The following DDX41 variants were observed in gnomAD, a reference collection of about 807,000 sequenced individuals.
DDX41 encodes the protein DEAD-box helicase 41.
DDX41 carries 50 observed loss-of-function variants against 78.8 expected under a neutral mutation model. The observed-to-expected ratio is 0.63, with a 90% CI of 0.51 to 0.80. The LOEUF (loss-of-function observed/expected upper bound fraction) is 0.80. Ranked by LOEUF, DDX41 falls within the 30% of genes least tolerant of loss-of-function variation. DDX41 has a pLI of 0.00. For missense variants in DDX41, 633 were observed against 849.2 expected (o/e 0.75, Z 3.16); for synonymous variants, 381 against 321.5 (o/e 1.19, Z -1.98).
chr5:177,515,800 A>G lies in DDX41; in HGVS notation c.456T>C (p.Val152=), dbSNP rs955969841. 1.9e-6 allele frequency: 3 copies of G among 1,614,138 alleles called. No homozygotes were observed. The highest frequency in any genetic ancestry group is 2.5e-6 in the Non-Finnish European group (3 of 1,180,032). ...CATGTCGCTCTTCAGACATGCTCAG[A>G]ACATAACGGGGTGGAGTCCAGCTGT... ...IKTSWTPPRY[V]LSMSEERHER... is the part of the protein sequence containing the mutation. The change falls in exon 6 of 17, where the codon GTT becomes GTC. Residue 152 remains valine, a synonymous_variant. Transcript: ENST00000330503.
chr5:177,514,679 G>A lies in DDX41; in HGVS notation c.935+22C>T. The A allele has an allele frequency of 6.2e-7, 1 of 1,600,526 alleles. No homozygotes were observed. The highest frequency in any genetic ancestry group is 8.5e-7 in the Non-Finnish European group (1 of 1,172,164). ...AGACTCGCAGGTGGCAGAGGTGGGG[G>A]GCAGGGAGCGCCAGCACTCACTGTC... On this transcript the variant is annotated intron_variant, in intron 9 of 16. Coordinates refer to ENST00000330503, the MANE Select transcript of DDX41 (RefSeq NM_016222.4). The surrounding 1 kb of genome is among the most constrained non-coding windows in gnomAD (Gnocchi z 4.2).
At chr5:177,516,883 C>T in intron 1 of DDX41, 36 bp downstream of exon 1, 1 of 1,613,328 alleles carries the variant, frequency 6.2e-7, no homozygotes, top group East Asian at 2.2e-5. Context: ...TCTTCACGCC[C>T]GCTCCCACAC....
Position 177,516,404 on chromosome 5 carries a change from T to C in DDX41, c.182A>G (p.Glu61Gly). Reference sequence around the variant, plus strand: ...TTCACTACCGCTGTCCTGCTGCTCTTCCTCCGCAGCTCCCTTGCGTCTTCG... The same window carrying C: ...TTCACTACCGCTGTCCTGCTGCTCTCCCTCCGCAGCTCCCTTGCGTCTTCG... Reference protein sequence around the residue: ...LQRRRKGAAEEEQQDSGSEPR... With the variant: ...LQRRRKGAAEGEQQDSGSEPR... The change falls in exon 3 of 17, where the codon GAA becomes GGA. Residue 61 changes from glutamate (E) to glycine (G), a missense_variant. Coordinates refer to ENST00000330503, the MANE Select transcript of DDX41 (RefSeq NM_016222.4). 6.2e-7 allele frequency: 1 copy of C among 1,613,932 alleles called. No homozygotes were observed. Among genetic ancestry groups the C allele is most frequent in the Non-Finnish European group, 8.5e-7 (1 of 1,180,018 alleles).
rs780282216 is a variant in DDX41, at chr5:177,516,269, G to A, written c.298+19C>T. The A allele has an allele frequency of 6.2e-7, 1 of 1,614,028 alleles. No individual in the cohort carries two copies. Among genetic ancestry groups the A allele is most frequent in the Admixed American group, 1.7e-5 (1 of 60,010 alleles). On this transcript the variant is annotated intron_variant, in intron 3 of 16. Coordinates refer to ENST00000330503, the MANE Select transcript of DDX41 (RefSeq NM_016222.4). ...GCTCAGCTTCTTCTTTCTCGCCCAG[G>A]CAGTGCTGCCCAGCCCACCTTCAGC...
intron 13 of DDX41, 36 bp downstream of exon 13, chr5:177,512,744 C>A (rs1230273407): frequency 3.1e-6 from 5 of 1,613,290 alleles, no homozygotes; most frequent in Non-Finnish European, 3.4e-6. Flanking sequence ...ACTGCTACTG[C>A]AGCAGGGTCC....
At position 177,516,463 on chromosome 5, in the gene DDX41, G is replaced by A. The variant is rs774275218; in HGVS notation, c.139-16C>T. The A allele has an allele frequency of 1.9e-6, 3 of 1,612,574 alleles. No individual in the cohort carries two copies. Among genetic ancestry groups the A allele is most frequent in the African/African-American group, 2.7e-5 (2 of 75,050 alleles). ...GCTTCTGGAGCTGAGGTTCCACCCG[G>A]GATCCACAGATAGGATGGGCATGGA... On this transcript the variant is annotated splice_polypyrimidine_tract_variant and intron_variant, in intron 2 of 16. Coordinates refer to ENST00000330503, the MANE Select transcript of DDX41 (RefSeq NM_016222.4).
intron 13 of DDX41, 59 bp downstream of exon 13, chr5:177,512,721 C>A: frequency 6.2e-7 from 1 of 1,613,188 alleles, no homozygotes; most frequent in East Asian, 2.2e-5. Context: ...CAGGGGAAGG[C>A]ATTAGGTAAA....
At chr5:177,512,006 C>T (rs1428897280) in intron 16 of DDX41, 79 bp from the exon 17 acceptor site, 1 of 1,606,206 alleles carries the variant, frequency 6.2e-7, no homozygotes. Context: ...CGTTAGGCAC[C>T]CTCGGTCCAC....
chr5:177,515,193 G>A lies in DDX41; in HGVS notation c.637C>T (p.Pro213Ser). 1 of 1,613,968 alleles carries A rather than the reference G, an allele frequency of 6.2e-7. No homozygotes were observed. Among genetic ancestry groups the A allele is most frequent in the Non-Finnish European group, 8.5e-7 (1 of 1,180,028 alleles). Reference protein sequence around the residue: ...HPTPIQIQGIPTILSGRDMIG... With the variant: ...HPTPIQIQGISTILSGRDMIG... ...TCCACAGTCCACACTCACATGGTGGGGATGCCCTGGATCTGAATGGGTGTT... is the reference window on the plus strand; with the variant it reads ...TCCACAGTCCACACTCACATGGTGGAGATGCCCTGGATCTGAATGGGTGTT... The change falls in exon 7 of 17, where the codon CCC becomes TCC. Residue 213 changes from proline to serine, a missense_variant. Transcript: ENST00000330503.
In DDX41 at chr5:177,513,789, T is replaced by C. The variant is rs1226241789; in HGVS notation, c.994A>G (p.Met332Val). 6.2e-7 allele frequency: 1 copy of C among 1,613,766 alleles called. No individual in the cohort carries two copies. The highest frequency in any genetic ancestry group is 8.5e-7 in the Non-Finnish European group (1 of 1,179,976). The change falls in exon 10 of 17, where the codon ATG (methionine) becomes GTG (valine). Residue 332 changes from methionine to valine, a missense_variant. Met to Val is a conservative substitution (Grantham distance 21). Transcript: ENST00000330503. The surrounding 1 kb of genome is among the most constrained non-coding windows in gnomAD (Gnocchi z 4.6). ...GRLMDLLQKK[M>V]VSLDICRYLA... ...TAGCGACAGATGTCTAGGCTGACCA[T>C]CTTCTTCTGCAGCAAATCCATGAGG...
chr5:177,513,781 G>A lies in DDX41; in HGVS notation c.1002C>T (p.Ser334=). Residue 334 remains serine (S), a synonymous_variant, in exon 10 of 17, where the codon AGC becomes AGT. Coordinates refer to ENST00000330503, the MANE Select transcript of DDX41 (RefSeq NM_016222.4). The surrounding 1 kb of genome is among the most constrained non-coding windows in gnomAD (Gnocchi z 4.6). ...GGGCCAGGTAGCGACAGATGTCTAG[G>A]CTGACCATCTTCTTCTGCAGCAAAT... ...LMDLLQKKMV[S]LDICRYLALD... is the part of the protein sequence containing the mutation. The A allele has an allele frequency of 6.2e-7, 1 of 1,613,878 alleles. No individual in the cohort carries two copies. Among genetic ancestry groups the A allele is most frequent in the Non-Finnish European group, 8.5e-7 (1 of 1,180,004 alleles).
Position 177,513,315 on chromosome 5 carries a change from C to T in DDX41, c.1230+38G>A. On this transcript the variant is annotated intron_variant, in intron 11 of 16. Coordinates refer to ENST00000330503, the MANE Select transcript of DDX41 (RefSeq NM_016222.4). This position sits in a 1 kb window ranked among gnomAD's most constrained non-coding sequence, Gnocchi z 4.6. ...AGGGAGACTTGTCAGATCCAGCCCC[C>T]ACAGGTGAGAGACCGCCCATCAGGA... The T allele has an allele frequency of 1.2e-6, 2 of 1,613,398 alleles. No homozygotes were observed. The highest frequency in any genetic ancestry group is 8.5e-7 in the Non-Finnish European group (1 of 1,179,794).
In DDX41 at chr5:177,516,898, G is replaced by T. The variant is rs367910900; in HGVS notation, c.27+21C>A. On this transcript the variant is annotated intron_variant, in intron 1 of 16. Coordinates refer to ENST00000330503, the MANE Select transcript of DDX41 (RefSeq NM_016222.4). ...TCTTCACGCCCGCTCCCACACGCGC[G>T]GGGTCTCGCCTCTCTCCTACCTTCC... is the stretch of plus-strand genomic sequence containing the variant. The T allele has an allele frequency of 2.6e-5, 42 of 1,613,206 alleles. No individual in the cohort carries two copies. In the African/African-American group the frequency reaches 3.9e-4, roughly 15 times the overall value.
chr5:177,512,017 C>T (rs558270734), intron 16 of DDX41, 79 bp downstream of exon 16: 51 of 1,606,032 alleles, frequency 3.2e-5, no homozygotes, highest in Non-Finnish European at 4.0e-5. Flanking sequence ...CTCGGTCCAC[C>T]GGTTTCACGT....
intron 6 of DDX41, 189 bp downstream of exon 6, chr5:177,515,496 T>G: frequency 1.1e-6 from 1 of 912,308 alleles, no homozygotes; most frequent in Non-Finnish European, 1.7e-6. Context: ...CCTGAAGCTT[T>G]GTAACAGCAG....
chr5:177,516,069 G>A (rs1761216426), intron 4 of DDX41, 50 bp downstream of exon 4: 2 of 1,613,676 alleles, frequency 1.2e-6, no homozygotes, highest in Non-Finnish European at 8.5e-7. Flanking sequence ...GCCTGGGGCT[G>A]GGAGGAGAAG....
chr5:177,516,152 C>T lies in DDX41; in HGVS notation c.340G>A (p.Glu114Lys). Residue 114 changes from glutamate to lysine, a missense_variant, in exon 4 of 17, where the codon GAG becomes AAG. Transcript: ENST00000330503. ...SAKEKQLKEE[E>K]KILESVAEGR... Reference sequence around the variant, plus strand: ...TCGGCAACACTCTCCAGGATCTTCTCTTCTTCCTTCAGCTGCTTCTCCTTG... The same window carrying T: ...TCGGCAACACTCTCCAGGATCTTCTTTTCTTCCTTCAGCTGCTTCTCCTTG... 1 of 1,614,060 alleles carries T rather than the reference C, an allele frequency of 6.2e-7. No homozygotes were observed. Among genetic ancestry groups the T allele is most frequent in the Non-Finnish European group, 8.5e-7 (1 of 1,180,032 alleles).
rs1238869072 is a variant in DDX41 at position 177,516,806 on chromosome 5, T to A, written c.57A>T (p.Gly19=). The change falls in exon 2 of 17, where the codon GGA becomes GGT. Residue 19 remains glycine (G), a synonymous_variant. Coordinates refer to ENST00000330503, the MANE Select transcript of DDX41 (RefSeq NM_016222.4). ...KRARTDEVPA[G]GSRSEAEDED... is the part of the protein sequence containing the mutation. ...CATCTTCCGCCTCGGAGCGGCTTCC[T>A]CCGGCAGGCACCTCGTCGGTGCGAG... 6.2e-7 allele frequency: 1 copy of A among 1,612,612 alleles called. No individual in the cohort carries two copies. Among genetic ancestry groups the A allele is most frequent in the Non-Finnish European group, 8.5e-7 (1 of 1,179,840 alleles).
chr5:177,514,006 C>T lies in DDX41; in HGVS notation c.936-159G>A, dbSNP rs149593900. On this transcript the variant is annotated intron_variant, in intron 9 of 16. Transcript: ENST00000330503. The surrounding 1 kb of genome is among the most constrained non-coding windows in gnomAD (Gnocchi z 4.2). The stretch of plus-strand genomic sequence containing the variant: ...CACCACCTGCCCTATGTATAGCACA[C>T]AGCTCTTTCCCAAGGCACTGCAGCC... Among the ~76,000 whole-genome samples, 89 of 152,300 alleles carry T rather than the reference C, an allele frequency of 5.8e-4. 1 individual carries two copies. The East Asian group carries it at 0.016, about 27-fold the overall frequency.
Sources: allele counts gnomAD v4.1 joint callset (sites outside exome capture counted in the v4.1 genomes callset), GRCh38; gene constraint gnomAD v4.1.1; non-coding constraint Gnocchi (gnomAD v3.1); transcripts MANE v1.5; gene names NCBI Gene and HGNC (gene_info 2026-07-23, HGNC 2026-07-21).